PLCB1: variants seen among roughly 807,000 people sequenced by gnomAD.
The protein encoded by PLCB1 is phospholipase C beta 1.
In PLCB1, 46 loss-of-function variants were observed where a neutral mutation model predicts 161.8. That is an observed-to-expected ratio of 0.28 (90% CI 0.22 to 0.36). The LOEUF (loss-of-function observed/expected upper bound fraction) is 0.36. Ranked by LOEUF, PLCB1 falls within the 10% of genes least tolerant of loss-of-function variation. The pLI is 1.00. For synonymous variants in PLCB1, 517 were observed against 503.7 expected, an observed-to-expected ratio of 1.03 and a Z score of -0.35; for missense variants, 1,016 against 1,472.5, an observed-to-expected ratio of 0.69 and a Z score of 5.07.
chr20:8,524,931 C>T (rs1421278812), intron 3 of PLCB1, among the ~76,000 whole-genome samples: 6 of 152,186 alleles, frequency 3.9e-5, no homozygotes, highest in Non-Finnish European at 8.8e-5. Context: ...ATTACTGCAC[C>T]TACTTCCTAG....
At chr20:8,385,669 G>T (rs544436161) in intron 3 of PLCB1, among the ~76,000 whole-genome samples, 1 of 152,300 alleles carries the variant, frequency 6.6e-6, no homozygotes, top group East Asian at 1.9e-4. Context: ...GGGATCTTCC[G>T]ATCCATGGGT....
chr20:8,652,741 G>T (rs1397329966), intron 7 of PLCB1: 1 of 152,030 alleles, frequency 6.6e-6, no homozygotes, highest in Non-Finnish European at 1.5e-5. Context: ...TGATATTACT[G>T]CACATTGTTG....
At chr20:8,461,185 G>A (rs1981559827) in intron 3 of PLCB1, among the ~76,000 whole-genome samples, 1 of 152,122 alleles carries the variant, frequency 6.6e-6, no homozygotes, top group African/African-American at 2.4e-5. Context: ...TGAAAGTCGA[G>A]GGCTCTTTCT....
intron 3 of PLCB1, among the ~76,000 whole-genome samples, chr20:8,487,917 C>CAATG (rs1463141223): frequency 6.6e-6 from 1 of 152,110 alleles, no homozygotes; most frequent in Non-Finnish European, 1.5e-5. Flanking sequence ...GGCACACAGG[C>CAATG]AATGACTGAC....
At chr20:8,780,327 C>T (rs188904788) in intron 27 of PLCB1, among the ~76,000 whole-genome samples, 1 of 152,256 alleles carries the variant, frequency 6.6e-6, no homozygotes, top group Admixed American at 6.5e-5. Context: ...GCTTCTCAGC[C>T]ACAGATGTGC....
At chr20:8,658,117 C>T (rs1989516263) in intron 8 of PLCB1, among the ~76,000 whole-genome samples, 1 of 152,100 alleles carries the variant, frequency 6.6e-6, no homozygotes, top group Admixed American at 6.6e-5. Flanking sequence ...TTTAAAAACA[C>T]TCAAACGGGT....
Position 8,733,346 on chromosome 20 carries a change from C to T in PLCB1, c.1997C>T (p.Thr666Ile). 1 of 1,613,982 alleles carries T rather than the reference C, an allele frequency of 6.2e-7. No individual in the cohort carries two copies. The highest frequency in any genetic ancestry group is 8.5e-7 in the Non-Finnish European group (1 of 1,179,948). The change falls in exon 19 of 32, where the codon ACT (threonine) becomes ATT (isoleucine). Residue 666 changes from threonine (T) to isoleucine (I), a missense_variant. This residue lies in a region of PLCB1 where 67 missense variants were observed against 195.6 expected (regional missense o/e 0.34). Transcript: ENST00000338037. The part of the protein sequence containing the change: ...RRPDKHFDPF[T>I]EGIVDGIVAN... ...CCTGACAAGCATTTTGATCCATTTA[C>T]TGAAGGCATCGTAGATGGGATAGTG...
At chr20:8,507,254 C>T (rs1197741754) in intron 3 of PLCB1, among the ~76,000 whole-genome samples, 1 of 152,094 alleles carries the variant, frequency 6.6e-6, no homozygotes, top group Non-Finnish European at 1.5e-5. Flanking sequence ...CTTACTGTCT[C>T]AGGGATGGCA....
intron 3 of PLCB1, among the ~76,000 whole-genome samples, chr20:8,373,131 G>T (rs564067460): frequency 1.3e-5 from 2 of 152,282 alleles, no homozygotes; most frequent in African/African-American, 4.8e-5. Context: ...AATGCTTCTC[G>T]TGAGGATGGA....
chr20:8,577,601 A>G (rs991717165), intron 3 of PLCB1, among the ~76,000 whole-genome samples: 1 of 152,158 alleles, frequency 6.6e-6, no homozygotes, highest in African/African-American at 2.4e-5. Flanking sequence ...TTTAGTTTAT[A>G]AGTCTTGGCA....
chr20:8,526,539 T>G (rs1003217267), intron 3 of PLCB1, among the ~76,000 whole-genome samples: 3 of 152,116 alleles, frequency 2.0e-5, no homozygotes, highest in African/African-American at 7.2e-5. Flanking sequence ...GGCTTTGACT[T>G]ATTAATACAT....
chr20:8,139,094 T>TG (rs1376290139), intron 1 of PLCB1, among the ~76,000 whole-genome samples: 3 of 134,700 alleles, frequency 2.2e-5, no homozygotes, highest in African/African-American at 9.0e-5. Context: ...TTTTTTTTTT[T>TG]TTTTTTTTTT....
At chr20:8,416,680 T>C (rs1467908957) in intron 3 of PLCB1, among the ~76,000 whole-genome samples, 1 of 152,046 alleles carries the variant, frequency 6.6e-6, no homozygotes, top group Non-Finnish European at 1.5e-5. Flanking sequence ...ATTTAACATG[T>C]ATAGTAATGA....
At chr20:8,834,336 G>T (rs1326974404) in intron 31 of PLCB1, among the ~76,000 whole-genome samples, 1 of 152,068 alleles carries the variant, frequency 6.6e-6, no homozygotes, top group Non-Finnish European at 1.5e-5. Flanking sequence ...CACCGAGAAG[G>T]TGACCTCCAG....
At chr20:8,139,081 GT>G (rs71329695) in intron 1 of PLCB1, among the ~76,000 whole-genome samples, 4,185 of 91,416 alleles carry the variant, frequency 0.046, 21 homozygotes, top group Non-Finnish European at 0.063. Flanking sequence ...TATTTCAAGG[GT>G]TTTTTTTTTT....
intron 3 of PLCB1, among the ~76,000 whole-genome samples, chr20:8,553,081 T>C (rs1047826899): frequency 1.3e-5 from 2 of 152,264 alleles, no homozygotes; most frequent in African/African-American, 4.8e-5. Context: ...GCTGAAGATT[T>C]ATAAGTTGAA....
At chr20:8,708,889 A>G in intron 12 of PLCB1, 137 bp downstream of exon 12, 1 of 597,354 alleles carries the variant, frequency 1.7e-6, no homozygotes, top group Non-Finnish European at 3.0e-6. Flanking sequence ...GCATGTTTTC[A>G]TTTGTAGGTG....
chr20:8,724,092 G>A (rs903107470), intron 15 of PLCB1, among the ~76,000 whole-genome samples: 7 of 150,418 alleles, frequency 4.7e-5, no homozygotes, highest in Middle Eastern at 3.2e-3. Flanking sequence ...AGAGGATCAG[G>A]AAAAATAACT....
chr20:8,540,675 C>T (rs1489432787), intron 3 of PLCB1, among the ~76,000 whole-genome samples: 6 of 152,038 alleles, frequency 3.9e-5, no homozygotes, highest in Admixed American at 6.6e-5. Context: ...GCACACCTCT[C>T]ATCACAGACC....
Sources: gnomAD v4.1 joint callset for allele counts (sites outside exome capture counted in the v4.1 genomes callset) on GRCh38, gnomAD v4.1.1 for gene constraint, gnomAD v4.1.1 regional missense constraint, MANE v1.5 for transcripts, NCBI Gene and HGNC (gene_info 2026-07-23, HGNC 2026-07-21) for gene names.